ZNG1A: variants seen among roughly 807,000 people sequenced by gnomAD.
ZNG1A encodes the protein Zn regulated GTPase metalloprotein activator 1A, also known as zinc-regulated GTPase metalloprotein activator 1A.
the ZNG1A span, among the ~76,000 whole-genome samples, chr9:129,591 C>G: frequency 6.7e-6 from 1 of 149,436 alleles, no homozygotes; most frequent in Non-Finnish European, 1.5e-5. Flanking sequence ...CATGAATCCA[C>G]TAATATCAGG....
chr9:161,178 A>G, the ZNG1A span, among the ~76,000 whole-genome samples: 2 of 152,126 alleles, frequency 1.3e-5, no homozygotes, highest in African/African-American at 4.8e-5. Flanking sequence ...TTAAACATTA[A>G]CAAGTTCAGG....
At chr9:155,012 A>G in the ZNG1A span, among the ~76,000 whole-genome samples, 2 of 152,276 alleles carry the variant, frequency 1.3e-5, no homozygotes, top group Admixed American at 6.5e-5. Context: ...GTTCATTACT[A>G]TGCAAGTTCA....
chr9:173,344 T>G, the ZNG1A span: 2 of 1,602,132 alleles, frequency 1.2e-6, no homozygotes, highest in Admixed American at 3.4e-5. Context: ...GGCTGACAGC[T>G]AAGGATTTCT....
chr9:132,352 T>TAAAAA, the ZNG1A span, among the ~76,000 whole-genome samples: 1 of 91,192 alleles, frequency 1.1e-5, no homozygotes, highest in Non-Finnish European at 2.2e-5. Context: ...CCATCTCTAC[T>TAAAAA]AAAAAAAAAA....
the ZNG1A span, among the ~76,000 whole-genome samples, chr9:123,977 C>G: frequency 6.6e-6 from 1 of 152,058 alleles, no homozygotes; most frequent in Admixed American, 6.5e-5. Context: ...AATCTGTTCT[C>G]TTAAAAAAAA....
the ZNG1A span, among the ~76,000 whole-genome samples, chr9:140,140 T>A: frequency 6.6e-6 from 1 of 151,028 alleles, no homozygotes; most frequent in East Asian, 1.9e-4. Context: ...GCCGGGAAGC[T>A]CGAACTGGGT....
the ZNG1A span, among the ~76,000 whole-genome samples, chr9:127,703 A>G: frequency 6.6e-6 from 1 of 152,034 alleles, no homozygotes; most frequent in Admixed American, 6.5e-5. Context: ...GATGTGAGGT[A>G]CCACTCTATT....
At chr9:171,972 G>C in the ZNG1A span, 1 of 1,573,472 alleles carries the variant, frequency 6.4e-7, no homozygotes, top group Non-Finnish European at 8.7e-7. Context: ...AAAGTTTTTG[G>C]TTTAATACTA....
chr9:135,683 AG>A, the ZNG1A span, among the ~76,000 whole-genome samples: 32 of 105,980 alleles, frequency 3.0e-4, 2 homozygotes, highest in Admixed American at 1.0e-3. Context: ...ACAGGACGGG[AG>A]GGGGAAAGGA....
At chr9:120,857 A>G in the ZNG1A span, among the ~76,000 whole-genome samples, 2 of 152,242 alleles carry the variant, frequency 1.3e-5, no homozygotes, top group African/African-American at 4.8e-5. Flanking sequence ...AAGAATTTCA[A>G]TTAATCATGT....
the ZNG1A span, chr9:172,512 AG>A: frequency 5.1e-6 from 1 of 196,910 alleles, no homozygotes; most frequent in Non-Finnish European, 1.1e-5. Context: ...TAACTATAGT[AG>A]TTTAATATAA....
the ZNG1A span, among the ~76,000 whole-genome samples, chr9:128,063 A>T: frequency 1.3e-5 from 2 of 152,078 alleles, no homozygotes; most frequent in Non-Finnish European, 2.9e-5. Flanking sequence ...ATGTGCTGTT[A>T]ATCTGGTAAG....
chr9:161,531 T>C, the ZNG1A span: 2 of 1,274,932 alleles, frequency 1.6e-6, no homozygotes, highest in Non-Finnish European at 2.0e-6. Flanking sequence ...CAGACACTAA[T>C]TTTTAAACAC....
chr9:170,304 T>C, the ZNG1A span, among the ~76,000 whole-genome samples: 1 of 151,214 alleles, frequency 6.6e-6, no homozygotes, highest in African/African-American at 2.4e-5. Flanking sequence ...AGCACTGGCA[T>C]AGAGAGATCC....
the ZNG1A span, among the ~76,000 whole-genome samples, chr9:132,332 T>C: frequency 1.4e-5 from 2 of 139,580 alleles, no homozygotes; most frequent in African/African-American, 2.8e-5. Context: ...TTGGCCAACA[T>C]GGTGAAACCC....
At chr9:172,342 T>G in the ZNG1A span, 2 of 726,008 alleles carry the variant, frequency 2.8e-6, no homozygotes, top group Non-Finnish European at 4.5e-6. Flanking sequence ...TATTTACCAG[T>G]GAGAAAACAA....
the ZNG1A span, among the ~76,000 whole-genome samples, chr9:157,358 G>A: frequency 7.2e-6 from 1 of 138,520 alleles, no homozygotes; most frequent in Admixed American, 7.4e-5. Context: ...TTCTTCTCTG[G>A]GAAATTACAC....
At chr9:156,188 A>G in the ZNG1A span, among the ~76,000 whole-genome samples, 1 of 146,092 alleles carries the variant, frequency 6.8e-6, no homozygotes, top group East Asian at 2.0e-4. Context: ...TCAATCCCAA[A>G]GAAATTGTAT....
the ZNG1A span, chr9:148,029 C>T: frequency 6.8e-6 from 1 of 147,724 alleles, no homozygotes; most frequent in Non-Finnish European, 1.5e-5. Flanking sequence ...TGTCTCAAAC[C>T]AGAGTGAGAT....
Sources: gnomAD v4.1 joint callset for allele counts (sites outside exome capture counted in the v4.1 genomes callset) on GRCh38, gnomAD v4.1.1 for gene constraint, MANE v1.5 for transcripts, NCBI Gene and HGNC (gene_info 2026-07-23, HGNC 2026-07-21) for gene names.